The following CREM variants were observed in gnomAD, a reference collection of about 807,000 sequenced individuals.
CREM encodes cAMP-responsive element modulator.
Under a neutral mutation model 37.3 loss-of-function variants are expected in CREM, and 13 were observed. That is an observed-to-expected ratio of 0.35 (90% confidence interval 0.23 to 0.55). The LOEUF is 0.55. Among genes scored for constraint, CREM ranks in the 20% least tolerant of loss-of-function variants. CREM has a pLI of 0.88. For missense variants in CREM, 296 were observed against 362.3 expected (o/e 0.82, Z 1.49); for synonymous variants, 124 against 120.2 (o/e 1.03, Z -0.21).
chr10:35,202,094 T>C (rs1360751569), intron 6 of CREM, among the ~76,000 whole-genome samples: 1 of 152,204 alleles, frequency 6.6e-6, no homozygotes, highest in Non-Finnish European at 1.5e-5. Flanking sequence ...TATCTTATAA[T>C]CTTTCTTCAA....
chr10:35,199,714 G>A (rs537597240), intron 6 of CREM, among the ~76,000 whole-genome samples: 31 of 152,178 alleles, frequency 2.0e-4, no homozygotes, highest in African/African-American at 6.0e-4. Context: ...TAGTGGACCC[G>A]TTCGAGTCTT....
intron 6 of CREM, chr10:35,201,574 G>A (rs1020569831): frequency 6.7e-7 from 1 of 1,498,814 alleles, no homozygotes; most frequent in Admixed American, 2.1e-5. Flanking sequence ...AGAGAGATAT[G>A]TAGTTAATGA....
intron 3 of CREM, among the ~76,000 whole-genome samples, chr10:35,163,014 C>A (rs1038073655): frequency 1.3e-5 from 2 of 151,100 alleles, no homozygotes; most frequent in Admixed American, 1.3e-4. Context: ...AGTTCAAGAC[C>A]AGCCTGGGTC....
intron 3 of CREM, among the ~76,000 whole-genome samples, chr10:35,163,139 G>A (rs955440452): frequency 6.6e-6 from 1 of 152,100 alleles, no homozygotes; most frequent in Admixed American, 6.5e-5. Context: ...CCTGGAGGTT[G>A]ATTGAAGCTG....
At chr10:35,199,746 A>G (rs1014177571) in intron 6 of CREM, among the ~76,000 whole-genome samples, 4 of 152,204 alleles carry the variant, frequency 2.6e-5, no homozygotes, top group African/African-American at 7.2e-5. Context: ...GGTTCTGCTC[A>G]TAGCATATTA....
intron 6 of CREM, among the ~76,000 whole-genome samples, chr10:35,188,659 ATTT>A (rs34929610): frequency 3.6e-5 from 5 of 138,650 alleles, no homozygotes; most frequent in Admixed American, 7.3e-5. Flanking sequence ...ACATGAATGA[ATTT>A]TTTTTTTTTT....
chr10:35,167,616 G>A (rs1478244547), intron 3 of CREM: 1 of 1,005,318 alleles, frequency 9.9e-7, no homozygotes, highest in Non-Finnish European at 1.5e-6. Context: ...CCAGTTATAA[G>A]TGTCACTATT....
intron 6 of CREM, among the ~76,000 whole-genome samples, chr10:35,200,202 T>C (rs958763592): frequency 1.3e-5 from 2 of 152,154 alleles, no homozygotes; most frequent in African/African-American, 4.8e-5. Context: ...ATTGAATTTT[T>C]TATAGATTAT....
chr10:35,210,535 C>G (rs1157124061), intron 7 of CREM: 1 of 152,198 alleles, frequency 6.6e-6, no homozygotes, highest in African/African-American at 2.4e-5. Context: ...CCCAGAGTTA[C>G]TCAGTAGCTT....
chr10:35,137,171 A>G (rs2090673586), intron 1 of CREM, among the ~76,000 whole-genome samples: 1 of 152,028 alleles, frequency 6.6e-6, no homozygotes, highest in Non-Finnish European at 1.5e-5. Context: ...TGTCAAATAT[A>G]TATTTTTAAA....
chr10:35,189,198 T>TG (rs1455708248), intron 6 of CREM, among the ~76,000 whole-genome samples: 27 of 151,774 alleles, frequency 1.8e-4, no homozygotes, highest in Middle Eastern at 3.4e-3. Flanking sequence ...TTTGTTTGTT[T>TG]TTTTGACTGA....
chr10:35,174,045 C>T (rs2093942174), intron 3 of CREM, among the ~76,000 whole-genome samples: 1 of 152,100 alleles, frequency 6.6e-6, no homozygotes, highest in African/African-American at 2.4e-5. Flanking sequence ...CTACTGGTTC[C>T]ATAATGGGAG....
intron 3 of CREM, among the ~76,000 whole-genome samples, chr10:35,171,000 G>GA (rs1396017722): frequency 1.3e-5 from 2 of 151,924 alleles, no homozygotes; most frequent in African/African-American, 4.8e-5. Context: ...GCATTTTAAT[G>GA]AAAAAATTGT....
At chr10:35,147,733 A>G (rs1439992753) in intron 2 of CREM, among the ~76,000 whole-genome samples, 1 of 152,236 alleles carries the variant, frequency 6.6e-6, no homozygotes, top group East Asian at 1.9e-4. Flanking sequence ...TTTTCCAGCC[A>G]TTCATGCTAA....
intron 5 of CREM, among the ~76,000 whole-genome samples, chr10:35,184,888 T>C (rs1028897717): frequency 6.6e-6 from 1 of 152,224 alleles, no homozygotes; most frequent in Non-Finnish European, 1.5e-5. Flanking sequence ...TCAGATTGAC[T>C]TGATCGTTAT....
chr10:35,168,233 C>G (rs1467841668), intron 3 of CREM, among the ~76,000 whole-genome samples: 1 of 152,206 alleles, frequency 6.6e-6, no homozygotes, highest in African/African-American at 2.4e-5. Context: ...AAAAGTGTTC[C>G]TATTTCTCCA....
intron 6 of CREM, among the ~76,000 whole-genome samples, chr10:35,196,987 A>C (rs959860395): frequency 1.7e-4 from 25 of 148,220 alleles, no homozygotes; most frequent in Non-Finnish European, 8.9e-5. Context: ...CTCCTGCCTC[A>C]GCCTCCTAAG....
At chr10:35,187,075 A>G (rs1429360462) in intron 5 of CREM, among the ~76,000 whole-genome samples, 1 of 69,848 alleles carries the variant, frequency 1.4e-5, no homozygotes, top group Non-Finnish European at 2.5e-5. Flanking sequence ...TTAATATAAT[A>G]ATATATATAA....
At chr10:35,151,249 G>A (rs1323168524) in intron 3 of CREM, among the ~76,000 whole-genome samples, 1 of 152,238 alleles carries the variant, frequency 6.6e-6, no homozygotes, top group Non-Finnish European at 1.5e-5. Flanking sequence ...AAATAATGTT[G>A]TATGCTAATA....
Sources: gnomAD v4.1 joint callset for allele counts (sites outside exome capture counted in the v4.1 genomes callset) on GRCh38, gnomAD v4.1.1 for gene constraint, MANE v1.5 for transcripts, NCBI Gene and HGNC (gene_info 2026-07-23, HGNC 2026-07-21) for gene names.